ATG10: variants seen among roughly 807,000 people sequenced by gnomAD.
The protein encoded by ATG10 is ubiquitin-like-conjugating enzyme ATG10.
In ATG10, 30 loss-of-function variants were observed where a neutral mutation model predicts 32.1. The observed-to-expected ratio is 0.94, with a 90% CI of 0.70 to 1.27. The LOEUF is 1.27. ATG10 is among the 50% of genes most tolerant of loss of function. The pLI, the probability that ATG10 is intolerant of heterozygous loss-of-function variation, is 0.00. For missense variants in ATG10, 233 were observed against 262.3 expected, an observed-to-expected ratio of 0.89 and a Z score of 0.77; for synonymous variants, 87 against 91.5, an observed-to-expected ratio of 0.95 and a Z score of 0.28.
At chr5:82,215,543 T>A (rs1268369357) in intron 5 of ATG10, among the ~76,000 whole-genome samples, 1 of 152,174 alleles carries the variant, frequency 6.6e-6, no homozygotes, top group East Asian at 1.9e-4. Flanking sequence ...TAAAAAACAC[T>A]TGAATTAAAT....
At chr5:82,078,671 C>T in intron 3 of ATG10, 1 of 152,112 alleles carries the variant, frequency 6.6e-6, no homozygotes, top group African/African-American at 2.4e-5. Context: ...TGAGATGGAG[C>T]CTGTGAATGG....
chr5:81,984,441 G>A (rs1203352618), intron 1 of ATG10, among the ~76,000 whole-genome samples: 3 of 152,188 alleles, frequency 2.0e-5, no homozygotes, highest in Non-Finnish European at 4.4e-5. Context: ...GAGAGGGAGA[G>A]GGCGAGAGAT....
intron 2 of ATG10, among the ~76,000 whole-genome samples, chr5:82,049,889 G>A (rs534743143): frequency 1.9e-3 from 283 of 152,196 alleles, no homozygotes; most frequent in African/African-American, 6.5e-3. Context: ...TCTCCCTAGT[G>A]AACTGTTACT....
intron 3 of ATG10, among the ~76,000 whole-genome samples, chr5:82,091,863 A>G (rs1329108488): frequency 2.0e-5 from 3 of 152,230 alleles, no homozygotes; most frequent in Non-Finnish European, 4.4e-5. Flanking sequence ...TAGAAACCAT[A>G]TTACAAGACC....
chr5:82,218,786 C>G (rs1745803641), intron 5 of ATG10, among the ~76,000 whole-genome samples: 1 of 152,202 alleles, frequency 6.6e-6, no homozygotes, highest in Non-Finnish European at 1.5e-5. Flanking sequence ...GCACAGAGCT[C>G]TTTGATATAC....
intron 2 of ATG10, among the ~76,000 whole-genome samples, chr5:82,046,353 GAA>G (rs1763237217): frequency 6.6e-6 from 1 of 152,180 alleles, no homozygotes; most frequent in African/African-American, 2.4e-5. Flanking sequence ...ATCTTTATAA[GAA>G]GAGGGAAATT....
intron 3 of ATG10, among the ~76,000 whole-genome samples, chr5:82,079,689 G>C (rs531578418): frequency 6.6e-6 from 1 of 151,998 alleles, no homozygotes; most frequent in African/African-American, 2.4e-5. Flanking sequence ...TACAAAGGAC[G>C]TGAACTCATC....
intron 5 of ATG10, among the ~76,000 whole-genome samples, chr5:82,207,422 C>G (rs75458562): frequency 0.062 from 9,413 of 152,146 alleles, 370 homozygotes; most frequent in Non-Finnish European, 0.089. Flanking sequence ...TGAGGTTCAT[C>G]TACTGTTTTG....
chr5:81,998,438 TA>T (rs1761732312), intron 2 of ATG10, among the ~76,000 whole-genome samples: 1 of 152,192 alleles, frequency 6.6e-6, no homozygotes, highest in East Asian at 1.9e-4. Context: ...AAAACACACT[TA>T]AGTACATAGA....
intron 2 of ATG10, among the ~76,000 whole-genome samples, chr5:82,049,357 A>C (rs1255830127): frequency 3.7e-5 from 5 of 133,466 alleles, no homozygotes; most frequent in South Asian, 2.3e-4. Flanking sequence ...ATGAGAACAC[A>C]TGGACACAGG....
At chr5:82,181,531 G>A (rs1744230577) in intron 5 of ATG10, among the ~76,000 whole-genome samples, 1 of 152,106 alleles carries the variant, frequency 6.6e-6, no homozygotes, top group Admixed American at 6.6e-5. Context: ...AAAACAAGGT[G>A]TCCTCAGTGA....
intron 5 of ATG10, among the ~76,000 whole-genome samples, chr5:82,214,053 T>A (rs1745587780): frequency 6.6e-6 from 1 of 152,228 alleles, no homozygotes; most frequent in Admixed American, 6.5e-5. Context: ...CATGTCCATG[T>A]ACTACCTAAA....
chr5:82,055,916 C>T (rs1581642401), intron 2 of ATG10, among the ~76,000 whole-genome samples: 1 of 152,120 alleles, frequency 6.6e-6, no homozygotes, highest in Non-Finnish European at 1.5e-5. Context: ...GCAATTAATA[C>T]AGTAACATGC....
At chr5:82,125,846 A>G (rs968916756) in intron 3 of ATG10, among the ~76,000 whole-genome samples, 2 of 152,154 alleles carry the variant, frequency 1.3e-5, no homozygotes, top group African/African-American at 4.8e-5. Flanking sequence ...ATAGCGTTGA[A>G]TCTATAAATT....
chr5:82,101,673 A>C (rs996997376), intron 3 of ATG10, among the ~76,000 whole-genome samples: 7 of 152,166 alleles, frequency 4.6e-5, no homozygotes, highest in African/African-American at 1.7e-4. Flanking sequence ...CCCCAAATTC[A>C]ATGTGCTTTT....
chr5:82,002,607 A>C (rs925017939), intron 2 of ATG10, among the ~76,000 whole-genome samples: 1 of 152,204 alleles, frequency 6.6e-6, no homozygotes, highest in African/African-American at 2.4e-5. Flanking sequence ...ACATATGGAC[A>C]CAAAGAGGGC....
intron 2 of ATG10, among the ~76,000 whole-genome samples, chr5:82,049,314 T>G (rs1055512865): frequency 6.8e-6 from 1 of 147,108 alleles, no homozygotes; most frequent in Non-Finnish European, 1.5e-5. Context: ...AACCAAACAC[T>G]GCATATTCTC....
intron 5 of ATG10, among the ~76,000 whole-genome samples, chr5:82,183,834 G>C (rs753764452): frequency 6.6e-6 from 1 of 152,092 alleles, no homozygotes; most frequent in Non-Finnish European, 1.5e-5. Context: ...AGGTAACCAA[G>C]AACCTTAAAA....
chr5:81,977,993 C>T (rs1760916303), intron 1 of ATG10, among the ~76,000 whole-genome samples: 1 of 152,148 alleles, frequency 6.6e-6, no homozygotes, highest in South Asian at 2.1e-4. Context: ...AAATATGGCA[C>T]TTGGTAGTAT....
Sources: gnomAD v4.1 joint callset for allele counts (sites outside exome capture counted in the v4.1 genomes callset) on GRCh38, gnomAD v4.1.1 for gene constraint, MANE v1.5 for transcripts, NCBI Gene and HGNC (gene_info 2026-07-23, HGNC 2026-07-21) for gene names.